GLB1: variants seen among roughly 807,000 people sequenced by gnomAD.
GLB1 encodes beta-galactosidase.
A neutral mutation model predicts 74.0 loss-of-function variants in GLB1; 56 were observed. The observed-to-expected ratio is 0.76, with a 90% CI of 0.61 to 0.94. GLB1 has a LOEUF of 0.94. Ranked by LOEUF, GLB1 falls within the 40% of genes least tolerant of loss-of-function variation. The probability of loss-of-function intolerance (pLI) is 0.00; values close to 1 mark genes in which losing one functional copy is unlikely to be tolerated. For synonymous variants in GLB1, 323 were observed against 323.6 expected, an observed-to-expected ratio of 1.00 and a Z score of 0.02; for missense variants, 787 against 845.5, an observed-to-expected ratio of 0.93 and a Z score of 0.86.
chr3:32,966,191 A>G, the GLB1 span, among the ~76,000 whole-genome samples: 1 of 152,102 alleles, frequency 6.6e-6, no homozygotes, highest in Admixed American at 6.6e-5. Flanking sequence ...ACCTGAAAAA[A>G]CTGCAGACAG....
rs1439225149 is a variant in GLB1 at position 33,014,214 on chromosome 3, C to A, written c.1576G>T (p.Gly526Cys). 1.2e-6 allele frequency: 2 copies of A among 1,614,126 alleles called. No individual in the cohort carries two copies. Among genetic ancestry groups the A allele is most frequent in the Non-Finnish European group, 1.7e-6 (2 of 1,180,036 alleles). Residue 526 changes from glycine to cysteine, a missense_variant, in exon 15 of 16, where the codon GGC becomes TGC. Gly to Cys is a radical substitution (Grantham distance 159). Transcript: ENST00000307363. ...TGGCCACTGTCACGGTGTCCCCAGC[C>A]CCCCAGGTGGCTGCACACTGCATCC... ...TEDAVCSHLG[G>C]WGHRDSGHHD...
the GLB1 span, among the ~76,000 whole-genome samples, chr3:32,984,812 C>T: frequency 1.3e-5 from 2 of 152,028 alleles, no homozygotes; most frequent in African/African-American, 2.4e-5. Context: ...TGTGGTGGCA[C>T]GTGCCTGTAG....
At chr3:33,033,145 T>C (rs893162053) in intron 10 of GLB1, among the ~76,000 whole-genome samples, 1 of 152,210 alleles carries the variant, frequency 6.6e-6, no homozygotes, top group African/African-American at 2.4e-5. Flanking sequence ...CTTAGCATCA[T>C]AGTGCAATAC....
chr3:33,010,526 T>A (rs78808213), intron 15 of GLB1, among the ~76,000 whole-genome samples: 10,519 of 152,318 alleles, frequency 0.069, 531 homozygotes, highest in East Asian at 0.25. Context: ...TTACATATTC[T>A]AGATATAAGT....
At position 33,058,278 on chromosome 3, in the gene GLB1, G is replaced by GA. The variant is rs1559404724; in HGVS notation, c.553-10dup. ...CCATATTCATTTTCAACCTGTGAGT[G>GA]AAAAAAGAGCAGGGAAAAATGAGGA... On this transcript the variant is annotated splice_polypyrimidine_tract_variant and intron_variant, in intron 5 of 15. Transcript: ENST00000307363. 5.0e-6 allele frequency: 8 copies of GA among 1,613,950 alleles called. No individual in the cohort carries two copies. Among genetic ancestry groups the GA allele is most frequent in the Non-Finnish European group, 6.8e-6 (8 of 1,179,964 alleles).
intron 1 of GLB1, among the ~76,000 whole-genome samples, chr3:33,088,845 G>A (rs1371443762): frequency 1.3e-5 from 2 of 152,126 alleles, no homozygotes; most frequent in African/African-American, 2.4e-5. Flanking sequence ...TGAAAAAGAA[G>A]AGCAAAGTTG....
At chr3:33,021,757 A>C in intron 11 of GLB1, 102 bp from the exon 12 acceptor site, 1 of 1,340,168 alleles carries the variant, frequency 7.5e-7, no homozygotes, top group Non-Finnish European at 1.0e-6. Context: ...GGTTTGACCA[A>C]ACCCCTAAAT....
intron 4 of GLB1, among the ~76,000 whole-genome samples, chr3:33,067,537 T>C (rs568969913): frequency 6.6e-6 from 1 of 152,140 alleles, no homozygotes; most frequent in South Asian, 2.1e-4. Flanking sequence ...CACTTTGGCC[T>C]CCCAAAGTGC....
rs143199939 is a variant in GLB1 at position 33,093,569 on chromosome 3, G to A, written c.75+3442C>T. 2.2e-5 allele frequency: 35 copies of A among 1,614,052 alleles called. No individual in the cohort carries two copies. The highest frequency in any genetic ancestry group is 9.3e-5 in the African/African-American group (7 of 74,936). On this transcript the variant is annotated intron_variant, in intron 1 of 15. Transcript: ENST00000307363. This position sits in a 1 kb window ranked among gnomAD's most constrained non-coding sequence, Gnocchi z 6.0. ...CCAAGTGAATGTCTGAGAGGAGCAC[G>A]ATCTTGAGGTTGTTCATTGAGGCAG...
chr3:32,973,729 TTGTAC>T, the GLB1 span, among the ~76,000 whole-genome samples: 2 of 152,138 alleles, frequency 1.3e-5, no homozygotes, highest in Non-Finnish European at 2.9e-5. Flanking sequence ...TCAAAACTCA[TTGTAC>T]TATACACTTA....
At chr3:33,011,397 G>T (rs1043191558) in intron 15 of GLB1, among the ~76,000 whole-genome samples, 4 of 150,888 alleles carry the variant, frequency 2.7e-5, no homozygotes, top group Non-Finnish European at 5.9e-5. Flanking sequence ...TTGAGGTCAG[G>T]AGTCCGAGAT....
intron 1 of GLB1, chr3:33,092,402 G>C (rs974181925): frequency 2.0e-6 from 2 of 992,492 alleles, no homozygotes; most frequent in African/African-American, 3.5e-5. Context: ...CTGGATCAAT[G>C]ATTCTGGAAA....
intron 15 of GLB1, among the ~76,000 whole-genome samples, chr3:33,011,457 AAC>A (rs1697020751): frequency 1.4e-5 from 2 of 142,642 alleles, no homozygotes; most frequent in Non-Finnish European, 3.1e-5. Context: ...ATAAAAAAAA[AAC>A]AAAAAATAAA....
chr3:33,012,783 T>C (rs1697081934), intron 15 of GLB1, among the ~76,000 whole-genome samples: 2 of 152,142 alleles, frequency 1.3e-5, no homozygotes, highest in Admixed American at 1.3e-4. Context: ...CCGAGACATA[T>C]CCCTCTCCCC....
chr3:32,961,503 G>T, the GLB1 span, among the ~76,000 whole-genome samples: 1 of 152,298 alleles, frequency 6.6e-6, no homozygotes, highest in East Asian at 1.9e-4. Context: ...GAGGAGGCAG[G>T]TTTGCCAAAT....
At chr3:33,001,423 G>A (rs1045370076) in intron 15 of GLB1, among the ~76,000 whole-genome samples, 9 of 152,006 alleles carry the variant, frequency 5.9e-5, no homozygotes, top group Non-Finnish European at 1.0e-4. Context: ...GCATCAGCTC[G>A]TCCCCATGTG....
rs1575475782 is a variant in GLB1 at position 33,072,678 on chromosome 3, G to A, written c.111C>T (p.Ser37=). Residue 37 remains serine, a synonymous_variant, in exon 2 of 16, where the codon AGC becomes AGT. Transcript: ENST00000307363. ...ATQRMFEIDY[S]RDSFLKDGQP... is the part of the protein sequence containing the mutation. ...GGCCATCCTTGAGGAAGGAGTCCCG[G>A]CTATAGTCAATTTCAAACATCCTCT... is the stretch of plus-strand genomic sequence containing the variant. The A allele has an allele frequency of 6.2e-7, 1 of 1,614,142 alleles. No individual in the cohort carries two copies. Among genetic ancestry groups the A allele is most frequent in the East Asian group, 2.2e-5 (1 of 44,882 alleles).
chr3:33,045,008 C>G (rs1341670388), intron 10 of GLB1, among the ~76,000 whole-genome samples: 5 of 138,796 alleles, frequency 3.6e-5, no homozygotes, highest in Admixed American at 7.0e-5. Flanking sequence ...CTGCACCATG[C>G]TTCACAGTAT....
the GLB1 span, among the ~76,000 whole-genome samples, chr3:32,974,064 T>C: frequency 6.6e-6 from 1 of 152,170 alleles, no homozygotes. Context: ...GTAGGCCTTG[T>C]TAGGCTGGAG....
Sources: allele counts gnomAD v4.1 joint callset (sites outside exome capture counted in the v4.1 genomes callset), GRCh38; gene constraint gnomAD v4.1.1; non-coding constraint Gnocchi (gnomAD v3.1); transcripts MANE v1.5; gene names NCBI Gene and HGNC (gene_info 2026-07-23, HGNC 2026-07-21).